IRS1: variants seen among roughly 807,000 people sequenced by gnomAD.
IRS1 encodes the protein insulin receptor substrate 1.
IRS1 carries 34 observed loss-of-function variants against 65.6 expected under a neutral mutation model. That is an observed-to-expected ratio of 0.52 (90% confidence interval 0.39 to 0.69). The LOEUF (loss-of-function observed/expected upper bound fraction) is 0.69, where lower values mean the gene tolerates loss of function less well. IRS1 is among the 30% of genes least tolerant of loss of function. The pLI is 0.00. For synonymous variants in IRS1, 699 were observed against 683.5 expected (o/e 1.02, Z -0.35); for missense variants, 1,641 against 1,720.2 (o/e 0.95, Z 0.81).
chr2:226,772,340 T>A (rs1242741143), intron 1 of IRS1, among the ~76,000 whole-genome samples: 2 of 152,130 alleles, frequency 1.3e-5, no homozygotes, highest in African/African-American at 4.8e-5. Flanking sequence ...TATTACTATC[T>A]CCAATTTTGT....
At chr2:226,748,447 A>AAAAC (rs1210306077) in intron 1 of IRS1, among the ~76,000 whole-genome samples, 2 of 151,764 alleles carry the variant, frequency 1.3e-5, no homozygotes, top group African/African-American at 4.8e-5. Flanking sequence ...AAAAAAAAAA[A>AAAAC]AAACCAAACC....
intron 1 of IRS1, among the ~76,000 whole-genome samples, chr2:226,784,246 C>G (rs1263861389): frequency 2.0e-5 from 3 of 152,046 alleles, no homozygotes; most frequent in Non-Finnish European, 4.4e-5. Flanking sequence ...ATATAAAACT[C>G]TTTAACAGCT....
chr2:226,781,443 T>C (rs557609042), intron 1 of IRS1, among the ~76,000 whole-genome samples: 5 of 152,294 alleles, frequency 3.3e-5, no homozygotes, highest in South Asian at 2.1e-4. Flanking sequence ...GCTCTATTCA[T>C]AGAGAAGAGA....
At chr2:226,765,454 G>A (rs1472391482) in intron 1 of IRS1, among the ~76,000 whole-genome samples, 1 of 152,136 alleles carries the variant, frequency 6.6e-6, no homozygotes, top group Non-Finnish European at 1.5e-5. Flanking sequence ...GTCCACATAA[G>A]GGCCAGGAAG....
chr2:226,764,039 C>T (rs900215227), intron 1 of IRS1, among the ~76,000 whole-genome samples: 1 of 151,660 alleles, frequency 6.6e-6, no homozygotes, highest in South Asian at 2.1e-4. Flanking sequence ...TAGTTCATGC[C>T]AAATGATGAA....
chr2:226,782,517 C>A (rs1164583479), intron 1 of IRS1, among the ~76,000 whole-genome samples: 1 of 152,196 alleles, frequency 6.6e-6, no homozygotes, highest in African/African-American at 2.4e-5. Context: ...GGCCCTTGCT[C>A]TCCACCTCCC....
At chr2:226,766,472 C>T (rs915750882) in intron 1 of IRS1, among the ~76,000 whole-genome samples, 2 of 151,710 alleles carry the variant, frequency 1.3e-5, no homozygotes, top group African/African-American at 4.8e-5. Context: ...CAATCCTATA[C>T]TATTTTTACC....
rs756485509 is a variant in IRS1, at chr2:226,797,828, C to G, written c.911G>C (p.Arg304Pro). 6.2e-7 allele frequency: 1 copy of G among 1,606,276 alleles called. No individual in the cohort carries two copies. Among genetic ancestry groups the G allele is most frequent in the South Asian group, 1.1e-5 (1 of 90,712 alleles). ...GGAGGTGGCGGTGATGCTCTCAGTG[C>G]GTGATCGGCGGGTCAGCCCCACCTG... ...PSQVGLTRRS[R>P]TESITATSPA... Residue 304 changes from arginine to proline, a missense_variant, in exon 1 of 2, where the codon CGC (arginine) becomes CCC (proline). Arg to Pro is a moderately radical substitution (Grantham distance 103). This residue lies in a region of IRS1 where 1,324 missense variants were observed against 1,361.0 expected (regional missense o/e 0.97). Transcript: ENST00000305123. This position sits in a 1 kb window ranked among gnomAD's most constrained non-coding sequence, Gnocchi z 8.1.
rs564047754 is a variant in IRS1 at position 226,794,099 on chromosome 2, T to A, written c.*21+890A>T. 1.4e-4 allele frequency among the ~76,000 whole-genome samples: 22 copies of A among 152,304 alleles called. No homozygotes were observed. Among genetic ancestry groups the A allele is most frequent in the Non-Finnish European group, 2.8e-4 (19 of 68,026 alleles). On this transcript the variant is annotated intron_variant, in intron 1 of 1. Transcript: ENST00000305123. The surrounding 1 kb of genome is among the most constrained non-coding windows in gnomAD (Gnocchi z 4.1). The stretch of plus-strand genomic sequence containing the variant: ...CTTAGTATGCATTCTTCTCAACAAA[T>A]AAAAGTAATTTTACAGAAGATATAT...
intron 1 of IRS1, among the ~76,000 whole-genome samples, chr2:226,759,511 A>G (rs1228039312): frequency 6.6e-6 from 1 of 152,218 alleles, no homozygotes; most frequent in African/African-American, 2.4e-5. Flanking sequence ...ACATTCCACA[A>G]TTCTGTAGCA....
chr2:226,777,299 G>C (rs899681324), intron 1 of IRS1, among the ~76,000 whole-genome samples: 3 of 152,104 alleles, frequency 2.0e-5, no homozygotes, highest in Admixed American at 6.6e-5. Context: ...ATCTGTAACT[G>C]TCCTGAAATA....
At chr2:226,778,378 A>T (rs1939313875) in intron 1 of IRS1, among the ~76,000 whole-genome samples, 1 of 152,228 alleles carries the variant, frequency 6.6e-6, no homozygotes, top group Admixed American at 6.5e-5. Context: ...AAGCAACCTT[A>T]AAATTGTGAG....
intron 1 of IRS1, among the ~76,000 whole-genome samples, chr2:226,776,026 A>G (rs1224589458): frequency 6.6e-6 from 1 of 152,148 alleles, no homozygotes; most frequent in Non-Finnish European, 1.5e-5. Context: ...ACATTCTCCA[A>G]TAAAAGGAAG....
chr2:226,776,869 G>A (rs1939284571), intron 1 of IRS1, among the ~76,000 whole-genome samples: 1 of 152,170 alleles, frequency 6.6e-6, no homozygotes, highest in Admixed American at 6.5e-5. Context: ...TCACATCACT[G>A]CACTCCAGCC....
At chr2:226,793,139 T>TA (rs1212762780) in intron 1 of IRS1, among the ~76,000 whole-genome samples, 1 of 152,232 alleles carries the variant, frequency 6.6e-6, no homozygotes, top group Non-Finnish European at 1.5e-5. Flanking sequence ...AAGCCCTTTT[T>TA]AAAAATGAAA....
intron 1 of IRS1, among the ~76,000 whole-genome samples, chr2:226,784,378 T>G (rs1939447256): frequency 1.3e-5 from 2 of 152,130 alleles, no homozygotes. Flanking sequence ...GATCAAACAC[T>G]GACGATTCTA....
Position 226,735,552 on chromosome 2 carries a change from G to C in IRS1, c.*720C>G, listed in dbSNP as rs2106155804. On this transcript the variant is annotated 3_prime_UTR_variant, in exon 2 of 2. Coordinates refer to ENST00000305123, the MANE Select transcript of IRS1 (RefSeq NM_005544.3). ...GCTCAACATCAGGTTTATATGACAA[G>C]AGATAGTATCAGCAAATATAACTAT... is the stretch of plus-strand genomic sequence containing the variant. The C allele has an allele frequency of 6.5e-6, 1 of 152,678 alleles. No individual in the cohort carries two copies. Among genetic ancestry groups the C allele is most frequent in the Admixed American group, 6.5e-5 (1 of 15,294 alleles). The allele number at this position is 152,678 out of a possible 1,614,324, so 9.5% of individuals were successfully genotyped here. A position where few individuals can be genotyped will look rare whatever the true frequency, so the allele number is the denominator to read the frequency against.
Position 226,797,582 on chromosome 2 carries a change from G to A in IRS1, c.1157C>T (p.Ala386Val). Reference protein sequence around the residue: ...PMPASRCSPSATSPVSLSSSS... With the variant: ...PMPASRCSPSVTSPVSLSSSS... ...GGACGACAGACTGACCGGGCTGGTG[G>A]CCGAAGGCGAGCAGCGGGAAGCCGG... The change falls in exon 1 of 2, where the codon GCC (alanine) becomes GTC (valine). Residue 386 changes from alanine (A) to valine (V), a missense_variant. By Grantham distance (64) the Ala-to-Val change is moderately conservative. Coordinates refer to ENST00000305123, the MANE Select transcript of IRS1 (RefSeq NM_005544.3). The surrounding 1 kb of genome is among the most constrained non-coding windows in gnomAD (Gnocchi z 8.1). 6.3e-7 allele frequency: 1 copy of A among 1,593,398 alleles called. No individual in the cohort carries two copies. Among genetic ancestry groups the A allele is most frequent in the Non-Finnish European group, 8.5e-7 (1 of 1,171,880 alleles).
At chr2:226,751,698 CTA>C (rs1397441670) in intron 1 of IRS1, among the ~76,000 whole-genome samples, 2 of 152,110 alleles carry the variant, frequency 1.3e-5, no homozygotes, top group Non-Finnish European at 2.9e-5. Flanking sequence ...CAGTACATTT[CTA>C]TCTCTTTACA....
Sources: allele counts gnomAD v4.1 joint callset (sites outside exome capture counted in the v4.1 genomes callset), GRCh38; gene constraint gnomAD v4.1.1; regional missense constraint gnomAD v4.1.1; non-coding constraint Gnocchi (gnomAD v3.1); transcripts MANE v1.5; gene names NCBI Gene and HGNC (gene_info 2026-07-23, HGNC 2026-07-21).